The following CLIP2 variants were observed in gnomAD, a reference collection of about 807,000 sequenced individuals.
CLIP2 encodes the protein CAP-Gly domain-containing linker protein 2.
CLIP2 carries 41 observed loss-of-function variants against 111.7 expected under a neutral mutation model. The observed-to-expected ratio is 0.37, with a 90% CI of 0.29 to 0.48. CLIP2 has a LOEUF of 0.48. CLIP2 is among the 20% of genes least tolerant of loss of function. The probability of loss-of-function intolerance (pLI) is 0.99; values close to 1 mark genes in which losing one functional copy is unlikely to be tolerated. For missense variants in CLIP2, 1,160 were observed against 1,422.1 expected (o/e 0.82, Z 2.96); for synonymous variants, 660 against 644.2 (o/e 1.02, Z -0.37).
chr7:74,293,009 C>T (rs1788069583), intron 1 of CLIP2, among the ~76,000 whole-genome samples: 1 of 152,194 alleles, frequency 6.6e-6, no homozygotes, highest in Non-Finnish European at 1.5e-5. Flanking sequence ...CTGCAGCTCT[C>T]CCCATGCTCC....
At chr7:74,370,286 C>A (rs1790580298) in intron 8 of CLIP2, among the ~76,000 whole-genome samples, 1 of 151,554 alleles carries the variant, frequency 6.6e-6, no homozygotes, top group Non-Finnish European at 1.5e-5. Context: ...GAAACCCTGT[C>A]TCTACTAAAA....
At chr7:74,344,775 T>A (rs1317971069) in intron 3 of CLIP2, among the ~76,000 whole-genome samples, 2 of 152,142 alleles carry the variant, frequency 1.3e-5, no homozygotes, top group East Asian at 1.9e-4. Flanking sequence ...GATCCAAGAC[T>A]GATTGTGTAG....
At chr7:74,384,646 A>G (rs1051014268) in intron 11 of CLIP2, among the ~76,000 whole-genome samples, 6 of 151,600 alleles carry the variant, frequency 4.0e-5, no homozygotes, top group African/African-American at 1.2e-4. Flanking sequence ...GGGTTTCGCA[A>G]TGTTGGCCAG....
chr7:74,389,770 G>C (rs1177540429), intron 13 of CLIP2, among the ~76,000 whole-genome samples: 1 of 151,588 alleles, frequency 6.6e-6, no homozygotes, highest in Non-Finnish European at 1.5e-5. Flanking sequence ...GTAGTGGTGT[G>C]TGCCTGTAGT....
At chr7:74,337,511 G>A (rs1036925692) in intron 2 of CLIP2, among the ~76,000 whole-genome samples, 13 of 152,122 alleles carry the variant, frequency 8.5e-5, no homozygotes, top group Non-Finnish European at 1.5e-4. Flanking sequence ...ACCTGGTGGG[G>A]GGGTGGCTTG....
intron 14 of CLIP2, 151 bp from the exon 15 acceptor site, chr7:74,400,219 C>T: frequency 1.7e-6 from 1 of 576,358 alleles, no homozygotes; most frequent in Non-Finnish European, 2.9e-6. Context: ...CCATGGAGCA[C>T]CTCACAGAGG....
intron 1 of CLIP2, among the ~76,000 whole-genome samples, chr7:74,303,269 GCAAA>G (rs1474726999): frequency 6.6e-6 from 1 of 152,222 alleles, no homozygotes; most frequent in African/African-American, 2.4e-5. Flanking sequence ...TTGGGCAAAT[GCAAA>G]CAAAGCTGTG....
At chr7:74,387,924 A>C (rs1398740924) in intron 12 of CLIP2, among the ~76,000 whole-genome samples, 3 of 152,198 alleles carry the variant, frequency 2.0e-5, no homozygotes, top group African/African-American at 7.2e-5. Flanking sequence ...AGCGATGCTC[A>C]TGCCTATAAT....
Position 74,327,772 on chromosome 7 carries a change from C to T in CLIP2, c.121+10105C>T, listed in dbSNP as rs1789157602. Among the ~76,000 whole-genome samples, 4 of 152,094 alleles carry T rather than the reference C, an allele frequency of 2.6e-5. No individual in the cohort carries two copies. In the South Asian group the frequency reaches 6.2e-4, roughly 24 times the overall value. On this transcript the variant is annotated intron_variant, in intron 2 of 16. Coordinates refer to ENST00000223398, the MANE Select transcript of CLIP2 (RefSeq NM_003388.5). ...TAATGTCCCTGACGTGGTCCAGGAT[C>T]GATCTGACGGGGCGGGGGTCCGGCT...
At chr7:74,397,702 T>G (rs1186651601) in intron 14 of CLIP2, among the ~76,000 whole-genome samples, 1 of 144,148 alleles carries the variant, frequency 6.9e-6, no homozygotes, top group Non-Finnish European at 1.5e-5. Context: ...AGTCTCGCTC[T>G]GTTGCCCAGG....
intron 6 of CLIP2, among the ~76,000 whole-genome samples, chr7:74,359,097 G>A (rs1223745903): frequency 6.6e-6 from 1 of 151,604 alleles, no homozygotes; most frequent in Non-Finnish European, 1.5e-5. Context: ...CTTAGTAGCT[G>A]GGACTACAGG....
intron 12 of CLIP2, among the ~76,000 whole-genome samples, chr7:74,386,890 G>C (rs1791120785): frequency 6.6e-6 from 1 of 152,034 alleles, no homozygotes; most frequent in Admixed American, 6.6e-5. Context: ...GGGCATGGTG[G>C]CATGCACCTG....
At chr7:74,390,749 G>GT (rs879947566) in intron 13 of CLIP2, among the ~76,000 whole-genome samples, 14,980 of 45,382 alleles carry the variant, frequency 0.33, 1,648 homozygotes, top group African/African-American at 0.47. Context: ...CTGGCGGGGT[G>GT]GGGGGGGTGG....
intron 13 of CLIP2, among the ~76,000 whole-genome samples, chr7:74,395,228 T>C (rs1320068627): frequency 6.6e-6 from 1 of 151,820 alleles, no homozygotes; most frequent in Non-Finnish European, 1.5e-5. Flanking sequence ...GGCGCAATCT[T>C]GGCTCACCGC....
chr7:74,337,838 C>T lies in CLIP2; in HGVS notation c.122-610C>T, dbSNP rs182188235. ...CTTGAACTCCTGATCTTAGGTGATC[C>T]GCCTGCCTCGGCCTCCCAAAGTGCT... On this transcript the variant is annotated intron_variant, in intron 2 of 16. Transcript: ENST00000223398. Among the ~76,000 whole-genome samples, 15 of 152,124 alleles carry T rather than the reference C, an allele frequency of 9.9e-5. 1 individual carries two copies. The South Asian group carries it at 1.5e-3, about 15-fold the overall frequency.
At chr7:74,330,059 G>T (rs542434457) in intron 2 of CLIP2, among the ~76,000 whole-genome samples, 8 of 151,814 alleles carry the variant, frequency 5.3e-5, no homozygotes, top group African/African-American at 1.9e-4. Flanking sequence ...AATTACAGAT[G>T]TGAGCCACTG....
At chr7:74,363,804 G>A (rs1790401316) in intron 7 of CLIP2, among the ~76,000 whole-genome samples, 1 of 151,312 alleles carries the variant, frequency 6.6e-6, no homozygotes, top group South Asian at 2.1e-4. Flanking sequence ...GCTGAGGCAG[G>A]AGAATTGCTT....
At chr7:74,322,698 A>G (rs1788996529) in intron 2 of CLIP2, among the ~76,000 whole-genome samples, 1 of 152,040 alleles carries the variant, frequency 6.6e-6, no homozygotes, top group South Asian at 2.1e-4. Context: ...GTGAGCCACT[A>G]CACCTGTCCC....
At chr7:74,373,068 C>T (rs782023870) in intron 9 of CLIP2, 32 bp downstream of exon 9, 1 of 1,467,954 alleles carries the variant, frequency 6.8e-7, no homozygotes, top group South Asian at 1.2e-5. Context: ...CCTGGCCCGC[C>T]AGCCACCTTG....
Sources: gnomAD v4.1 joint callset for allele counts (sites outside exome capture counted in the v4.1 genomes callset) on GRCh38, gnomAD v4.1.1 for gene constraint, MANE v1.5 for transcripts, NCBI Gene and HGNC (gene_info 2026-07-23, HGNC 2026-07-21) for gene names.